Variants in XKR4 observed in about 807,000 individuals in gnomAD.
XKR4 encodes the protein XK related 4, also known as XK-related protein 4.
Under a neutral mutation model 53.9 loss-of-function variants are expected in XKR4, and 12 were observed. That is an observed-to-expected ratio of 0.22 (90% CI 0.14 to 0.36). The LOEUF (loss-of-function observed/expected upper bound fraction) is 0.36, where lower values mean the gene tolerates loss of function less well. Among genes scored for constraint, XKR4 ranks in the 10% least tolerant of loss-of-function variants. The pLI is 1.00. For missense variants in XKR4, 799 were observed against 859.5 expected (o/e 0.93, Z 0.88); for synonymous variants, 354 against 362.4 (o/e 0.98, Z 0.26).
chr8:55,514,920 A>T (rs974252320), intron 2 of XKR4, among the ~76,000 whole-genome samples: 5 of 152,214 alleles, frequency 3.3e-5, no homozygotes, highest in African/African-American at 1.2e-4. Flanking sequence ...AAATTCCCAC[A>T]CTTAAAATAT....
chr8:55,454,589 G>A lies in XKR4; in HGVS notation c.1007-68692G>A, dbSNP rs193178868. 7.0e-6 allele frequency: 10 copies of A among 1,418,816 alleles called. No homozygotes were observed. The East Asian group carries it at 9.8e-5, about 14-fold the overall frequency. The allele number at this position is 1,418,816 out of a possible 1,614,324, so 87.9% of individuals were successfully genotyped here. The stretch of plus-strand genomic sequence containing the variant: ...GCCAGTGGAGTCTGGATGACCTGCC[G>A]GTCACCAGCCCCCAAATAAATCGTC... On this transcript the variant is annotated intron_variant, in intron 2 of 2. Coordinates refer to ENST00000327381, the MANE Select transcript of XKR4 (RefSeq NM_052898.2).
chr8:55,363,195 G>A (rs1803928179), intron 2 of XKR4, among the ~76,000 whole-genome samples: 1 of 152,114 alleles, frequency 6.6e-6, no homozygotes, highest in Admixed American at 6.5e-5. Flanking sequence ...AGTGTATTTA[G>A]CTGGGGTGTG....
chr8:55,199,401 A>C (rs1231135923), intron 1 of XKR4, among the ~76,000 whole-genome samples: 1 of 152,132 alleles, frequency 6.6e-6, no homozygotes, highest in East Asian at 1.9e-4. Context: ...TTTTGTCATC[A>C]TTTCCTTTTA....
At chr8:55,198,515 A>G (rs939343612) in intron 1 of XKR4, among the ~76,000 whole-genome samples, 3 of 151,546 alleles carry the variant, frequency 2.0e-5, no homozygotes, top group Non-Finnish European at 2.9e-5. Context: ...ATGTATATAT[A>G]AATATATGTT....
chr8:55,134,869 C>T (rs77071366), intron 1 of XKR4, among the ~76,000 whole-genome samples: 10,938 of 152,198 alleles, frequency 0.072, 610 homozygotes, highest in African/African-American at 0.16. Flanking sequence ...TTAATTCTCG[C>T]AACCCAAGCC....
chr8:55,299,782 A>T (rs1563318848), intron 1 of XKR4, among the ~76,000 whole-genome samples: 1 of 152,060 alleles, frequency 6.6e-6, no homozygotes. Flanking sequence ...TGGAGGTGGG[A>T]TATAGGGAAA....
intron 1 of XKR4, among the ~76,000 whole-genome samples, chr8:55,104,880 C>T (rs1816118087): frequency 6.6e-6 from 1 of 152,142 alleles, no homozygotes; most frequent in Admixed American, 6.5e-5. Context: ...GACTTAAGTG[C>T]TTAATTTACT....
At chr8:55,236,220 A>G (rs921416166) in intron 1 of XKR4, among the ~76,000 whole-genome samples, 2 of 152,134 alleles carry the variant, frequency 1.3e-5, no homozygotes, top group African/African-American at 4.8e-5. Flanking sequence ...TGGCAAAACA[A>G]AGAGAGGTGA....
chr8:55,446,074 C>T (rs963274733), intron 2 of XKR4, among the ~76,000 whole-genome samples: 46 of 152,300 alleles, frequency 3.0e-4, no homozygotes, highest in African/African-American at 1.1e-3. Flanking sequence ...AGCCTGTGTG[C>T]TGCTGCACTT....
At chr8:55,452,058 T>C in intron 2 of XKR4, 1 of 713,604 alleles carries the variant, frequency 1.4e-6, no homozygotes, top group Non-Finnish European at 2.6e-6. Flanking sequence ...AGGACCCTTG[T>C]TCTTGGTGAC....
chr8:55,216,792 G>T (rs543550737), intron 1 of XKR4, among the ~76,000 whole-genome samples: 22 of 148,330 alleles, frequency 1.5e-4, no homozygotes, highest in African/African-American at 5.2e-4. Context: ...AAATTAAGAA[G>T]TTCTATTTAT....
At chr8:55,255,716 G>C (rs1175263913) in intron 1 of XKR4, among the ~76,000 whole-genome samples, 1 of 152,022 alleles carries the variant, frequency 6.6e-6, no homozygotes, top group Non-Finnish European at 1.5e-5. Flanking sequence ...TACACAAATA[G>C]GAGACAGTTA....
intron 2 of XKR4, among the ~76,000 whole-genome samples, chr8:55,470,166 C>A (rs778658525): frequency 1.3e-5 from 2 of 152,062 alleles, no homozygotes; most frequent in African/African-American, 4.8e-5. Context: ...AGCAAGGAAC[C>A]ATTATTACCG....
At chr8:55,421,466 T>C (rs1804930238) in intron 2 of XKR4, among the ~76,000 whole-genome samples, 1 of 152,198 alleles carries the variant, frequency 6.6e-6, no homozygotes, top group Non-Finnish European at 1.5e-5. Flanking sequence ...TGAAGCCTAA[T>C]GCAGCAACAA....
chr8:55,143,313 C>T (rs28489541), intron 1 of XKR4, among the ~76,000 whole-genome samples: 38,061 of 152,100 alleles, frequency 0.25, 5,388 homozygotes, highest in East Asian at 0.37. Flanking sequence ...TGTGTATGTG[C>T]AGACACTGCC....
intron 1 of XKR4, among the ~76,000 whole-genome samples, chr8:55,354,057 A>G (rs773026017): frequency 1.1e-4 from 16 of 152,238 alleles, no homozygotes; most frequent in East Asian, 1.9e-4. Context: ...ATAAAACTGA[A>G]GAATTGTGGA....
chr8:55,529,106 A>G lies in XKR4; in HGVS notation c.*4879A>G, dbSNP rs1351417916. 6.6e-6 allele frequency: 1 copy of G among 151,408 alleles called. No individual in the cohort carries two copies. The highest frequency in any genetic ancestry group is 2.4e-5 in the African/African-American group (1 of 41,100). The allele number at this position is 151,408 out of a possible 1,614,324, so 9.4% of individuals were successfully genotyped here. ...TACTCATTCTAAAGTAAAACTGCAG[A>G]ATATGGGTGGAATTGTATAAAAACA... On this transcript the variant is annotated 3_prime_UTR_variant, in exon 3 of 3. Transcript: ENST00000327381.
intron 1 of XKR4, among the ~76,000 whole-genome samples, chr8:55,228,473 T>C (rs527752854): frequency 2.0e-5 from 3 of 152,352 alleles, no homozygotes; most frequent in East Asian, 3.9e-4. Context: ...TTATTTATTA[T>C]GTATTATTTA....
At chr8:55,390,165 A>AT (rs1221405390) in intron 2 of XKR4, among the ~76,000 whole-genome samples, 1 of 152,236 alleles carries the variant, frequency 6.6e-6, no homozygotes, top group Non-Finnish European at 1.5e-5. Context: ...GCTAAGGTTT[A>AT]TTTAAAAACA....
Sources: gnomAD v4.1 joint callset for allele counts (sites outside exome capture counted in the v4.1 genomes callset) on GRCh38, gnomAD v4.1.1 for gene constraint, MANE v1.5 for transcripts, NCBI Gene and HGNC (gene_info 2026-07-23, HGNC 2026-07-21) for gene names.